STK32B: variants seen among roughly 807,000 people sequenced by gnomAD.
STK32B encodes serine/threonine kinase 32B.
Under a neutral mutation model 52.6 loss-of-function variants are expected in STK32B, and 43 were observed. The observed-to-expected ratio is 0.82, with a 90% CI of 0.64 to 1.05. The LOEUF is 1.05. STK32B is among the 50% of genes least tolerant of loss of function. The pLI is 0.00. For synonymous variants in STK32B, 238 were observed against 204.3 expected, an observed-to-expected ratio of 1.17 and a Z score of -1.41; for missense variants, 621 against 534.6, an observed-to-expected ratio of 1.16 and a Z score of -1.59.
intron 3 of STK32B, among the ~76,000 whole-genome samples, chr4:5,313,740 C>T (rs11727782): frequency 6.6e-6 from 1 of 152,010 alleles, no homozygotes; most frequent in Non-Finnish European, 1.5e-5. Flanking sequence ...TGTGACAGCA[C>T]CATTACAGTA....
chr4:5,406,829 C>T, intron 5 of STK32B, among the ~76,000 whole-genome samples: 1 of 152,154 alleles, frequency 6.6e-6, no homozygotes, highest in Non-Finnish European at 1.5e-5. Context: ...GGGACTGCTG[C>T]AGAGGTCTCT....
intron 3 of STK32B, among the ~76,000 whole-genome samples, chr4:5,278,170 T>G (rs1022691744): frequency 2.6e-4 from 40 of 152,286 alleles, no homozygotes; most frequent in African/African-American, 9.4e-4. Flanking sequence ...GTCTATGACA[T>G]GAAGAGCCTC....
the STK32B span, among the ~76,000 whole-genome samples, chr4:5,036,071 C>T: frequency 5.9e-5 from 9 of 151,926 alleles, no homozygotes; most frequent in Non-Finnish European, 1.3e-4. Flanking sequence ...CGTGAGCCAT[C>T]GTGCCTGGCT....
intron 4 of STK32B, among the ~76,000 whole-genome samples, chr4:5,371,431 A>G (rs2109012345): frequency 6.6e-6 from 1 of 152,338 alleles, no homozygotes; most frequent in Non-Finnish European, 1.5e-5. Flanking sequence ...TTAGCAAACC[A>G]AAGATGGGTC....
intron 4 of STK32B, among the ~76,000 whole-genome samples, chr4:5,352,282 G>C (rs2108986770): frequency 6.6e-6 from 1 of 152,112 alleles, no homozygotes; most frequent in East Asian, 1.9e-4. Context: ...ACACAAGGAT[G>C]GTTCAACATA....
In STK32B at chr4:5,400,348, A is replaced by G. The variant is rs11734498; in HGVS notation, c.472+2104A>G. 3.3e-5 allele frequency among the ~76,000 whole-genome samples: 5 copies of G among 151,656 alleles called. No homozygotes were observed. The highest frequency in any genetic ancestry group is 4.2e-4 in the South Asian group (2 of 4,802). On this transcript the variant is annotated intron_variant, in intron 5 of 11. Coordinates refer to ENST00000282908, the MANE Select transcript of STK32B (RefSeq NM_018401.3). The surrounding 1 kb of genome is among the most constrained non-coding windows in gnomAD (Gnocchi z 6.1). ...CAGCCTCCACCTCAGCCTTCCCCACATTCTTTCTGCATCTCGTTCTGCCCC... is the reference window on the plus strand; with the variant it reads ...CAGCCTCCACCTCAGCCTTCCCCACGTTCTTTCTGCATCTCGTTCTGCCCC...
At chr4:5,397,599 GCTTTGACGACCACATTAAT>G (rs1737001591) in intron 4 of STK32B, among the ~76,000 whole-genome samples, 1 of 152,216 alleles carries the variant, frequency 6.6e-6, no homozygotes, top group East Asian at 1.9e-4. Flanking sequence ...AACATTTTAG[GCTTTGACGACCACATTAAT>G]CTCTGTTGCG....
intron 9 of STK32B, among the ~76,000 whole-genome samples, chr4:5,461,808 T>A (rs3774817): frequency 6.6e-6 from 1 of 152,104 alleles, no homozygotes; most frequent in Non-Finnish European, 1.5e-5. Flanking sequence ...CTGGACCTCC[T>A]TCTGCCCGCC....
chr4:5,477,536 G>C (rs902411761), intron 11 of STK32B, among the ~76,000 whole-genome samples: 1 of 152,138 alleles, frequency 6.6e-6, no homozygotes, highest in African/African-American at 2.4e-5. Flanking sequence ...CCATAACCAG[G>C]TACAAATGCA....
intron 3 of STK32B, among the ~76,000 whole-genome samples, chr4:5,170,050 T>TA (rs983742690): frequency 2.1e-4 from 32 of 152,256 alleles, no homozygotes; most frequent in Non-Finnish European, 2.9e-5. Context: ...AATGGCTACA[T>TA]AATATTCCAC....
At chr4:5,477,069 C>A (rs1305187208) in intron 11 of STK32B, among the ~76,000 whole-genome samples, 1 of 152,206 alleles carries the variant, frequency 6.6e-6, no homozygotes. Context: ...ACCAAGTTTG[C>A]GGAAATTTGC....
rs1717502440 is a variant in STK32B, at chr4:5,467,124, C to T, written c.1041+290C>T. ...CTGCGCCCTTGAGAAAGATTTTGTA[C>T]CGCAGAGGCCCCCAGGGCTGCACGA... On this transcript the variant is annotated intron_variant, in intron 10 of 11. Coordinates refer to ENST00000282908, the MANE Select transcript of STK32B (RefSeq NM_018401.3). The surrounding 1 kb of genome is among the most constrained non-coding windows in gnomAD (Gnocchi z 5.8). 8.0e-6 allele frequency among the ~76,000 whole-genome samples: 1 copy of T among 124,350 alleles called. No homozygotes were observed. Among genetic ancestry groups the T allele is most frequent in the Non-Finnish European group, 1.9e-5 (1 of 52,550 alleles). 81.6% of individuals were successfully genotyped at this position (124,350 alleles called of 152,430 possible).
intron 11 of STK32B, among the ~76,000 whole-genome samples, chr4:5,494,032 G>A (rs1577063404): frequency 6.6e-6 from 1 of 151,930 alleles, no homozygotes; most frequent in Admixed American, 6.6e-5. Context: ...GTGTGGTGTG[G>A]TGCTGAAAAA....
At position 5,316,294 on chromosome 4, in the gene STK32B, T is replaced by A. The variant is rs1280814339; in HGVS notation, c.261-14926T>A. ...ATATATAATATATTATATACAATAT[T>A]ATATATAATATATATATTGTATATT... On this transcript the variant is annotated intron_variant, in intron 3 of 11. Transcript: ENST00000282908. Among the ~76,000 whole-genome samples, 4 of 68,618 alleles carry A rather than the reference T, an allele frequency of 5.8e-5. 1 individual carries two copies. Among genetic ancestry groups the A allele is most frequent in the African/African-American group, 3.1e-4 (3 of 9,576 alleles). The allele number at this position is 68,618 out of a possible 152,430, so 45.0% of individuals were successfully genotyped here.
chr4:5,397,281 C>CAAT (rs1420370821), intron 4 of STK32B, among the ~76,000 whole-genome samples: 1 of 152,212 alleles, frequency 6.6e-6, no homozygotes, highest in Admixed American at 6.5e-5. Flanking sequence ...GTGTACACGT[C>CAAT]AATAATAAGT....
intron 7 of STK32B, among the ~76,000 whole-genome samples, chr4:5,451,934 A>T (rs1716040588): frequency 6.6e-6 from 1 of 152,124 alleles, no homozygotes; most frequent in African/African-American, 2.4e-5. Context: ...CCCCTTTCAC[A>T]TCACCTAGGA....
At chr4:5,267,588 G>T (rs931078152) in intron 3 of STK32B, among the ~76,000 whole-genome samples, 3 of 152,152 alleles carry the variant, frequency 2.0e-5, no homozygotes, top group Non-Finnish European at 4.4e-5. Flanking sequence ...CCAGGGTCGC[G>T]CAGCAAGTCT....
chr4:5,138,570 G>C (rs879399061), intron 1 of STK32B, among the ~76,000 whole-genome samples: 6 of 152,146 alleles, frequency 3.9e-5, no homozygotes, highest in Non-Finnish European at 8.8e-5. Flanking sequence ...AACAGTAACT[G>C]TGTACTAAAC....
At chr4:5,050,912 C>G (rs2108749616), upstream of STK32B, among the ~76,000 whole-genome samples, 1 of 152,300 alleles carries the variant, frequency 6.6e-6, no homozygotes, top group East Asian at 1.9e-4. Context: ...CCCAGCCATT[C>G]CCAGGGAGAA....
Sources: allele counts gnomAD v4.1 joint callset (sites outside exome capture counted in the v4.1 genomes callset), GRCh38; gene constraint gnomAD v4.1.1; non-coding constraint Gnocchi (gnomAD v3.1); transcripts MANE v1.5; gene names NCBI Gene and HGNC (gene_info 2026-07-23, HGNC 2026-07-21).